NWD2: variants seen among roughly 807,000 people sequenced by gnomAD.
The protein encoded by NWD2 is NACHT and WD repeat domain-containing protein 2.
Under a neutral mutation model 132.7 loss-of-function variants are expected in NWD2, and 37 were observed. The observed-to-expected ratio is 0.28, with a 90% CI of 0.21 to 0.37. The LOEUF (loss-of-function observed/expected upper bound fraction) is 0.37, where lower values mean the gene tolerates loss of function less well. NWD2 is among the 10% of genes least tolerant of loss of function. The probability of loss-of-function intolerance (pLI) is 1.00; values close to 1 mark genes in which losing one functional copy is unlikely to be tolerated. For synonymous variants in NWD2, 705 were observed against 803.0 expected, an observed-to-expected ratio of 0.88 and a Z score of 2.06; for missense variants, 1,592 against 2,122.4, an observed-to-expected ratio of 0.75 and a Z score of 4.91.
At chr4:37,356,292 T>C in intron 2 of NWD2, 74 bp from the exon 3 acceptor site, 1 of 746,980 alleles carries the variant, frequency 1.3e-6, no homozygotes, top group South Asian at 2.4e-5. Flanking sequence ...AAGTTAAAAG[T>C]CACATTAGCT....
At chr4:37,358,677 C>G (rs1302911003) in intron 3 of NWD2, among the ~76,000 whole-genome samples, 1 of 152,164 alleles carries the variant, frequency 6.6e-6, no homozygotes, top group Non-Finnish European at 1.5e-5. Flanking sequence ...TAACAGTTAT[C>G]TACCTCATCG....
At chr4:37,423,900 C>CT (rs1711901573) in intron 3 of NWD2, among the ~76,000 whole-genome samples, 1 of 152,140 alleles carries the variant, frequency 6.6e-6, no homozygotes, top group African/African-American at 2.4e-5. Flanking sequence ...AATAAAGTAT[C>CT]TTATGTTTGT....
intron 1 of NWD2, among the ~76,000 whole-genome samples, chr4:37,300,312 A>G (rs552410482): frequency 6.6e-6 from 1 of 152,310 alleles, no homozygotes; most frequent in East Asian, 1.9e-4. Flanking sequence ...GCAACGCTGT[A>G]GCAATCAATA....
intron 3 of NWD2, among the ~76,000 whole-genome samples, chr4:37,382,459 T>C (rs1282662273): frequency 6.6e-6 from 1 of 152,166 alleles, no homozygotes; most frequent in Non-Finnish European, 1.5e-5. Flanking sequence ...AGACATGACA[T>C]TGACACATTC....
chr4:37,310,265 C>T (rs115439438), intron 1 of NWD2, among the ~76,000 whole-genome samples: 3,118 of 152,236 alleles, frequency 0.02, 41 homozygotes, highest in Middle Eastern at 0.034. Context: ...TAGTTTTATT[C>T]TAGCTATGCA....
chr4:37,252,104 C>A (rs966297079), intron 1 of NWD2, among the ~76,000 whole-genome samples: 4 of 152,042 alleles, frequency 2.6e-5, no homozygotes, highest in African/African-American at 9.7e-5. Flanking sequence ...ATGAATAGAG[C>A]CAGGGTATGG....
At chr4:37,364,404 A>G (rs13152622) in intron 3 of NWD2, among the ~76,000 whole-genome samples, 146,930 of 152,130 alleles carry the variant, frequency 0.97, 71,170 homozygotes, top group East Asian at 1. Flanking sequence ...CATTACCACC[A>G]ATGGAGGCAG....
At chr4:37,442,649 A>G (rs1175077392) in intron 6 of NWD2, among the ~76,000 whole-genome samples, 1 of 152,152 alleles carries the variant, frequency 6.6e-6, no homozygotes, top group Non-Finnish European at 1.5e-5. Flanking sequence ...TTTAACCACC[A>G]TTCTGTGGAT....
Position 37,438,965 on chromosome 4 carries a change from G to A in NWD2, c.871G>A (p.Asp291Asn). 1.3e-6 allele frequency: 2 copies of A among 1,551,998 alleles called. No homozygotes were observed. Among genetic ancestry groups the A allele is most frequent in the Non-Finnish European group, 1.7e-6 (2 of 1,147,062 alleles). ...ITGTEPRIIR[D>N]PEAQEKLIKL... is the part of the protein sequence containing the mutation. ...TGGAACAGAACCGAGGATTATTCGG[G>A]ACCCAGAAGCCCAAGAGAAGCTGAT... Residue 291 changes from aspartate to asparagine, a missense_variant, in exon 6 of 7, where the codon GAC (aspartate) becomes AAC (asparagine). Physicochemically the swap from Asp to Asn is conservative, Grantham distance 23. Around this residue, in one of 7 missense-constraint regions of NWD2, gnomAD observed 1,071 missense variants for 1,398.0 expected, o/e 0.77. Transcript: ENST00000309447.
At chr4:37,249,478 T>G (rs1322849205) in intron 1 of NWD2, among the ~76,000 whole-genome samples, 1 of 152,198 alleles carries the variant, frequency 6.6e-6, no homozygotes, top group East Asian at 1.9e-4. Flanking sequence ...CCCTGGCTCG[T>G]GGACAGAGTA....
intron 3 of NWD2, among the ~76,000 whole-genome samples, chr4:37,393,911 A>T (rs954274161): frequency 6.6e-5 from 10 of 152,214 alleles, no homozygotes; most frequent in Admixed American, 5.9e-4. Flanking sequence ...TGACTTTGGC[A>T]TAGAGTTGTG....
intron 2 of NWD2, among the ~76,000 whole-genome samples, chr4:37,339,959 T>G (rs1187542929): frequency 1.3e-5 from 2 of 151,712 alleles, no homozygotes; most frequent in African/African-American, 4.8e-5. Context: ...TGGTTGTTTT[T>G]TTTTTTTTTC....
intron 5 of NWD2, among the ~76,000 whole-genome samples, chr4:37,438,263 C>CAA (rs58024420): frequency 2.0e-5 from 2 of 99,090 alleles, no homozygotes; most frequent in Non-Finnish European, 4.2e-5. Flanking sequence ...TCCGTCTAAA[C>CAA]AAAAAAAAAA....
Position 37,445,085 on chromosome 4 carries a change from T to G in NWD2, c.3097T>G (p.Leu1033Val). The change falls in exon 7 of 7, where the codon TTG (leucine) becomes GTG (valine). Residue 1033 changes from leucine to valine, a missense_variant. Physicochemically the swap from Leu to Val is conservative, Grantham distance 32 (BLOSUM62 1). Around this residue, in one of 7 missense-constraint regions of NWD2, gnomAD observed 1,071 missense variants for 1,398.0 expected, o/e 0.77. Transcript: ENST00000309447. This position sits in a 1 kb window ranked among gnomAD's most constrained non-coding sequence, Gnocchi z 4.7. ...YLVVATTNNT[L>V]LIYDNVNSCL... ...TGTGGTGGCTACAACAAATAACACC[T>G]TGTTGATTTATGACAATGTCAATTC... 1.3e-6 allele frequency: 2 copies of G among 1,551,760 alleles called. No homozygotes were observed. Among genetic ancestry groups the G allele is most frequent in the Non-Finnish European group, 1.7e-6 (2 of 1,147,044 alleles).
Position 37,447,586 on chromosome 4 carries a change from T to C in NWD2, c.*369T>C. On this transcript the variant is annotated 3_prime_UTR_variant, in exon 7 of 7. Transcript: ENST00000309447. ...GGGAATTAGTTCTACAAAAATCAGC[T>C]GAAATCATGAAGACAAAGAGCTGCT... is the stretch of plus-strand genomic sequence containing the variant. 4.8e-6 allele frequency: 1 copy of C among 210,462 alleles called. No individual in the cohort carries two copies. The allele number at this position is 210,462 out of a possible 1,614,324, so 13.0% of individuals were successfully genotyped here. A position where few individuals can be genotyped will look rare whatever the true frequency, so the allele number is the denominator to read the frequency against.
intron 3 of NWD2, among the ~76,000 whole-genome samples, chr4:37,392,846 A>G (rs1243259704): frequency 6.6e-6 from 1 of 152,062 alleles, no homozygotes; most frequent in South Asian, 2.1e-4. Flanking sequence ...CAGTTTTCTG[A>G]CCCTTCTAGA....
At chr4:37,407,104 A>G (rs1266103063) in intron 3 of NWD2, among the ~76,000 whole-genome samples, 1 of 152,180 alleles carries the variant, frequency 6.6e-6, no homozygotes, top group Admixed American at 6.5e-5. Context: ...GCATTAGAAC[A>G]AATACCTAAT....
chr4:37,279,980 G>T lies in NWD2; in HGVS notation c.151+34762G>T, dbSNP rs77391881. The stretch of plus-strand genomic sequence containing the variant: ...AACCTGGCATAAAAGAGAACAAGTG[G>T]TTGCTAAATGGCTGCAGAGCCAGAG... On this transcript the variant is annotated intron_variant, in intron 1 of 6. Coordinates refer to ENST00000309447, the MANE Select transcript of NWD2 (RefSeq NM_001144990.2). 2.0e-3 allele frequency among the ~76,000 whole-genome samples: 304 copies of T among 152,268 alleles called. 2 individuals carry two copies. The highest frequency in any genetic ancestry group is 7.0e-3 in the African/African-American group (290 of 41,554).
At chr4:37,354,753 G>A (rs544637846) in intron 2 of NWD2, among the ~76,000 whole-genome samples, 1 of 152,242 alleles carries the variant, frequency 6.6e-6, no homozygotes, top group East Asian at 1.9e-4. Flanking sequence ...TTCATCTTTT[G>A]TATTCTAAGA....
Sources: gnomAD v4.1 joint callset for allele counts (sites outside exome capture counted in the v4.1 genomes callset) on GRCh38, gnomAD v4.1.1 for gene constraint, gnomAD v4.1.1 regional missense constraint, Gnocchi (gnomAD v3.1) non-coding constraint, MANE v1.5 for transcripts, NCBI Gene and HGNC (gene_info 2026-07-23, HGNC 2026-07-21) for gene names.